The following KCNK10 variants were observed in gnomAD, a reference collection of about 807,000 sequenced individuals.
KCNK10 encodes the protein potassium two pore domain channel subfamily K member 10.
Under a neutral mutation model 47.7 loss-of-function variants are expected in KCNK10, and 25 were observed. The ratio of observed to expected loss-of-function variants is 0.52; its 90% CI spans 0.38 to 0.73. The LOEUF (loss-of-function observed/expected upper bound fraction) is 0.73. KCNK10 is among the 30% of genes least tolerant of loss of function. The probability of loss-of-function intolerance (pLI) is 0.00; values close to 1 mark genes in which losing one functional copy is unlikely to be tolerated. For missense variants in KCNK10, 563 were observed against 714.5 expected, an observed-to-expected ratio of 0.79 and a Z score of 2.42; for synonymous variants, 303 against 285.6, an observed-to-expected ratio of 1.06 and a Z score of -0.61.
At chr14:88,266,567 T>C (rs577956021) in intron 1 of KCNK10, among the ~76,000 whole-genome samples, 2 of 152,340 alleles carry the variant, frequency 1.3e-5, no homozygotes, top group South Asian at 2.1e-4. Flanking sequence ...ATAGAGCAAA[T>C]GTTGTTTTCC....
intron 2 of KCNK10, 135 bp downstream of exon 2, chr14:88,263,066 GT>G: frequency 1.5e-6 from 1 of 672,076 alleles, no homozygotes; most frequent in Non-Finnish European, 2.5e-6. Context: ...CAGCTCACAT[GT>G]CACCTCCCTG....
At chr14:88,261,050 A>G (rs764759478) in intron 2 of KCNK10, among the ~76,000 whole-genome samples, 1 of 152,264 alleles carries the variant, frequency 6.6e-6, no homozygotes. Context: ...GGATAAGCTC[A>G]GATAGCTTGT....
chr14:88,313,169 T>C (rs1185274430), intron 1 of KCNK10, among the ~76,000 whole-genome samples: 2 of 152,250 alleles, frequency 1.3e-5, no homozygotes, highest in Admixed American at 6.5e-5. Flanking sequence ...AAAGCAGAGA[T>C]AATAATTTCA....
intron 2 of KCNK10, among the ~76,000 whole-genome samples, chr14:88,247,098 A>G (rs560731772): frequency 6.6e-6 from 1 of 152,334 alleles, no homozygotes; most frequent in East Asian, 1.9e-4. Context: ...CAATGCTCTT[A>G]GAATTGTCAA....
chr14:88,201,303 T>A (rs1007183014), intron 4 of KCNK10, among the ~76,000 whole-genome samples: 24 of 152,236 alleles, frequency 1.6e-4, no homozygotes, highest in Admixed American at 3.3e-4. Flanking sequence ...ATCTATCACT[T>A]ATTTATGATT....
upstream of KCNK10, chr14:88,326,319 ACCTC>A: frequency 1.1e-6 from 1 of 901,020 alleles, no homozygotes; most frequent in Non-Finnish European, 1.8e-6. Flanking sequence ...ATGGAGGGAG[ACCTC>A]CCTCCCAAGA....
At chr14:88,276,043 A>G (rs1457349759) in intron 1 of KCNK10, among the ~76,000 whole-genome samples, 1 of 152,154 alleles carries the variant, frequency 6.6e-6, no homozygotes, top group East Asian at 1.9e-4. Context: ...ACTACAGCTG[A>G]GTCTCCCTAT....
Position 88,183,254 on chromosome 14 carries a change from T to G in KCNK10, c.*2281A>C, listed in dbSNP as rs1424952507. 1 of 152,268 alleles carries G rather than the reference T, an allele frequency of 6.6e-6. No homozygotes were observed. The highest frequency in any genetic ancestry group is 1.5e-5 in the Non-Finnish European group (1 of 68,040). The allele number at this position is 152,268 out of a possible 1,614,324, so 9.4% of individuals were successfully genotyped here. A position where few individuals can be genotyped will look rare whatever the true frequency, so the allele number is the denominator to read the frequency against. On this transcript the variant is annotated 3_prime_UTR_variant, in exon 7 of 7. Transcript: ENST00000319231. ...ACTTCCCACATAGTGTCGTGAAGTT[T>G]CAATGAGCTGACGTTCATAAAGTGC...
In KCNK10 at chr14:88,310,981, A is replaced by T. The variant is rs186527780; in HGVS notation, c.52+11766T>A. 9.2e-5 allele frequency among the ~76,000 whole-genome samples: 14 copies of T among 152,328 alleles called. No individual in the cohort carries two copies. The East Asian group carries it at 2.3e-3, about 25-fold the overall frequency. On this transcript the variant is annotated intron_variant, in intron 1 of 6. Transcript: ENST00000319231. Reference sequence around the variant, plus strand: ...ATTATCACAGAATCAAGGGTCATGTAACAAAGCCAGGGAAAATATCATTTT... The same window carrying T: ...ATTATCACAGAATCAAGGGTCATGTTACAAAGCCAGGGAAAATATCATTTT...
At chr14:88,275,693 C>CAAAAAAAAA (rs71126972) in intron 1 of KCNK10, among the ~76,000 whole-genome samples, 557 of 70,204 alleles carry the variant, frequency 7.9e-3, no homozygotes, top group Middle Eastern at 0.012. Flanking sequence ...GCTAAAAATA[C>CAAAAAAAAA]AAAAAAAAAA....
intron 1 of KCNK10, among the ~76,000 whole-genome samples, chr14:88,285,992 C>T (rs973845895): frequency 2.0e-5 from 3 of 152,178 alleles, no homozygotes; most frequent in Non-Finnish European, 4.4e-5. Context: ...CTGCCTGGTT[C>T]TTTTGGGATG....
chr14:88,225,718 A>G (rs894842051), intron 4 of KCNK10, among the ~76,000 whole-genome samples: 1 of 152,244 alleles, frequency 6.6e-6, no homozygotes, highest in Non-Finnish European at 1.5e-5. Context: ...CATTTCCCCA[A>G]TTGAATCCTG....
intron 1 of KCNK10, among the ~76,000 whole-genome samples, chr14:88,279,739 G>A (rs1887606108): frequency 6.6e-6 from 1 of 152,116 alleles, no homozygotes; most frequent in African/African-American, 2.4e-5. Context: ...TAAACTGGGT[G>A]ATATGATTTG....
intron 1 of KCNK10, among the ~76,000 whole-genome samples, chr14:88,276,764 A>G (rs1016621821): frequency 1.3e-5 from 2 of 152,252 alleles, no homozygotes; most frequent in Admixed American, 1.3e-4. Context: ...ACAGGTCGCT[A>G]TCACTCTCAG....
chr14:88,231,280 G>GAAAAAT (rs59735959), intron 3 of KCNK10, among the ~76,000 whole-genome samples: 42,795 of 149,580 alleles, frequency 0.29, 6,798 homozygotes, highest in East Asian at 0.46. Flanking sequence ...CCCCTTCTCT[G>GAAAAAT]AAAAATAAAA....
At chr14:88,316,448 C>T (rs183986034) in intron 1 of KCNK10, among the ~76,000 whole-genome samples, 5 of 152,280 alleles carry the variant, frequency 3.3e-5, no homozygotes, top group South Asian at 2.1e-4. Context: ...GTAAAGTCTC[C>T]GCTGAGAGTA....
intron 2 of KCNK10, among the ~76,000 whole-genome samples, chr14:88,251,498 G>T (rs1252273695): frequency 6.6e-6 from 1 of 152,142 alleles, no homozygotes; most frequent in Non-Finnish European, 1.5e-5. Flanking sequence ...CTTCCCCCAA[G>T]AGTTGAGTTT....
intron 1 of KCNK10, chr14:88,270,969 G>C: frequency 1.6e-6 from 1 of 643,282 alleles, no homozygotes; most frequent in Non-Finnish European, 2.8e-6. Context: ...CTCACCCACT[G>C]CCACGCCCCC....
In KCNK10 at chr14:88,182,036, G is replaced by A. The variant is rs1455888745; in HGVS notation, c.*3499C>T. 4 of 135,336 alleles carry A rather than the reference G, an allele frequency of 3.0e-5. No homozygotes were observed. Among genetic ancestry groups the A allele is most frequent in the Non-Finnish European group, 6.4e-5 (4 of 62,964 alleles). 8.4% of individuals were successfully genotyped at this position (135,336 alleles called of 1,614,324 possible). On this transcript the variant is annotated 3_prime_UTR_variant, in exon 7 of 7. Coordinates refer to ENST00000319231, the MANE Select transcript of KCNK10 (RefSeq NM_138317.3). ...AGATGGCCCAACACCACCCCAACCC[G>A]CACACACACACACACACACACACAC...
Sources: gnomAD v4.1 joint callset for allele counts (sites outside exome capture counted in the v4.1 genomes callset) on GRCh38, gnomAD v4.1.1 for gene constraint, MANE v1.5 for transcripts, NCBI Gene and HGNC (gene_info 2026-07-23, HGNC 2026-07-21) for gene names.